C19orf47: variants seen among roughly 807,000 people sequenced by gnomAD.
The protein encoded by C19orf47 is chromosome 19 open reading frame 47.
Under a neutral mutation model 32.3 loss-of-function variants are expected in C19orf47, and 18 were observed. The ratio of observed to expected loss-of-function variants is 0.56; its 90% CI spans 0.39 to 0.83. C19orf47 has a LOEUF of 0.83. C19orf47 is among the 40% of genes least tolerant of loss of function. The pLI, the probability that C19orf47 is intolerant of heterozygous loss-of-function variation, is 0.00. For synonymous variants in C19orf47, 202 were observed against 211.1 expected (o/e 0.96, Z 0.37); for missense variants, 484 against 531.6 (o/e 0.91, Z 0.88).
chr19:40,342,066 A>G (rs913657712), intron 1 of C19orf47, 176 bp from the exon 2 acceptor site: 1 of 985,398 alleles, frequency 1.0e-6, no homozygotes. Flanking sequence ...TGCCACCACC[A>G]TCATCGCTTG....
At chr19:40,317,543 G>A (rs1182338992), downstream of C19orf47, among the ~76,000 whole-genome samples, 1 of 152,086 alleles carries the variant, frequency 6.6e-6, no homozygotes, top group African/African-American at 2.4e-5. Flanking sequence ...ATGTATAACG[G>A]GTGGGCCACT....
At chr19:40,342,069 A>G in intron 1 of C19orf47, 179 bp from the exon 2 acceptor site, 1 of 985,344 alleles carries the variant, frequency 1.0e-6, no homozygotes, top group Non-Finnish European at 1.2e-6. Flanking sequence ...CACCACCATC[A>G]TCGCTTGTGC....
intron 1 of C19orf47, among the ~76,000 whole-genome samples, chr19:40,346,155 CAAAA>C (rs111655238): frequency 4.7e-5 from 4 of 85,690 alleles, no homozygotes; most frequent in Non-Finnish European, 2.4e-5. Context: ...GACTCCATCT[CAAAA>C]AAAAAAAAAA....
At chr19:40,341,754 C>T in intron 2 of C19orf47, 85 bp downstream of exon 2, 1 of 1,521,668 alleles carries the variant, frequency 6.6e-7, no homozygotes, top group Non-Finnish European at 8.8e-7. Context: ...GTCCTCCCTC[C>T]CCCATCCCAT....
Position 40,324,137 on chromosome 19 carries a change from T to C in C19orf47, c.593-61A>G, listed in dbSNP as rs890357737. On this transcript the variant is annotated intron_variant, in intron 7 of 8. Transcript: ENST00000683109. ...GGTGGGCCAGGCCTAGGCTGAGCTC[T>C]GTACAGACACCAAGGCAGCCCAGAC... is the stretch of plus-strand genomic sequence containing the variant. 6 of 1,545,646 alleles carry C rather than the reference T, an allele frequency of 3.9e-6. No homozygotes were observed. The African/African-American group carries it at 8.2e-5, about 21-fold the overall frequency.
In C19orf47 at chr19:40,336,158, C is replaced by T; in HGVS notation, c.174G>A (p.Val58=). The T allele has an allele frequency of 6.2e-7, 1 of 1,614,194 alleles. No homozygotes were observed. The highest frequency in any genetic ancestry group is 8.5e-7 in the Non-Finnish European group (1 of 1,180,030). Residue 58 remains valine (V), a synonymous_variant, in exon 4 of 9, where the codon GTG becomes GTA. Transcript: ENST00000683109. ...EIMNELGVTV[V]GDIIAILKHA... is the part of the protein sequence containing the mutation. ...GCTTGAGAATGGCGATGATGTCACC[C>T]ACCACGGTCACGCCCAGCTCATTCA... is the stretch of plus-strand genomic sequence containing the variant.
the C19orf47 span, among the ~76,000 whole-genome samples, chr19:40,303,007 G>T: frequency 6.6e-6 from 1 of 152,130 alleles, no homozygotes; most frequent in African/African-American, 2.4e-5. Context: ...TTGGAAGGCC[G>T]GGGTGGGAAG....
At position 40,326,367 on chromosome 19, in the gene C19orf47, G is replaced by T. The variant is rs769861041; in HGVS notation, c.559C>A (p.Arg187Ser). ...GCCTGCTGCTGCTCCAGGATCTTGC[G>T]GGTGCGGGGTGTGGTGCCTTTGGGC... Reference protein sequence around the residue: ...NMPKGTTPRTRKILEQQQAAK... With the variant: ...NMPKGTTPRTSKILEQQQAAK... Residue 187 changes from arginine to serine, a missense_variant, in exon 7 of 9, where the codon CGC becomes AGC. Transcript: ENST00000683109. The T allele has an allele frequency of 6.2e-7, 1 of 1,614,058 alleles. No individual in the cohort carries two copies. The highest frequency in any genetic ancestry group is 8.5e-7 in the Non-Finnish European group (1 of 1,180,044).
In C19orf47 at chr19:40,334,042, A is replaced by G. The variant is rs2078009455; in HGVS notation, c.223-113T>C. 6 of 691,650 alleles carry G rather than the reference A, an allele frequency of 8.7e-6. No individual in the cohort carries two copies. In the East Asian group the frequency reaches 9.2e-5, roughly 11 times the overall value. 42.8% of individuals were successfully genotyped at this position (691,650 alleles called of 1,614,324 possible). Reference sequence around the variant, plus strand: ...TGACTGCTAGAGAAGATTCTAACACATTTCACTCCTAACCATAAGAAAGCA... The same window carrying G: ...TGACTGCTAGAGAAGATTCTAACACGTTTCACTCCTAACCATAAGAAAGCA... On this transcript the variant is annotated intron_variant, in intron 4 of 8. Transcript: ENST00000683109.
chr19:40,339,414 T>C (rs1440805181), intron 2 of C19orf47, among the ~76,000 whole-genome samples: 15 of 152,196 alleles, frequency 9.9e-5, no homozygotes, highest in Admixed American at 9.8e-4. Flanking sequence ...CGTACAAGAA[T>C]ATTCATAGCA....
chr19:40,326,531 G>A (rs779105252), intron 6 of C19orf47, 45 bp from the exon 7 acceptor site: 16 of 1,593,008 alleles, frequency 1.0e-5, no homozygotes, highest in South Asian at 3.3e-5. Flanking sequence ...GAGACAGAAC[G>A]TTCTCCCAGG....
At chr19:40,334,553 C>T (rs1208329385) in intron 4 of C19orf47, among the ~76,000 whole-genome samples, 1 of 151,970 alleles carries the variant, frequency 6.6e-6, no homozygotes, top group South Asian at 2.1e-4. Context: ...TTCAAGACCA[C>T]CCTGGGCAAC....
chr19:40,348,332 C>G lies in C19orf47; in HGVS notation c.-42G>C. ...CCCGGCCCGCGCCTCACCTGGCCCA[C>G]CGGGCCCGCGCCCACTCGCGCCGCC... is the stretch of plus-strand genomic sequence containing the variant. On this transcript the variant is annotated 5_prime_UTR_variant, in exon 1 of 9. Transcript: ENST00000683109. The G allele has an allele frequency of 7.4e-7, 1 of 1,359,532 alleles. No homozygotes were observed. Among genetic ancestry groups the G allele is most frequent in the South Asian group, 1.6e-5 (1 of 60,842 alleles). 84.2% of individuals were successfully genotyped at this position (1,359,532 alleles called of 1,614,324 possible). A position where few individuals can be genotyped will look rare whatever the true frequency, so the allele number is the denominator to read the frequency against.
chr19:40,297,476 G>A, the C19orf47 span, among the ~76,000 whole-genome samples: 1 of 152,184 alleles, frequency 6.6e-6, no homozygotes, highest in Non-Finnish European at 1.5e-5. Context: ...GCCGAGGTGA[G>A]TGGATCACAA....
rs140539184 is a variant in C19orf47 at position 40,322,079 on chromosome 19, C to T, written c.961G>A (p.Ala321Thr). The T allele has an allele frequency of 1.9e-5, 30 of 1,614,082 alleles. No homozygotes were observed. The highest frequency in any genetic ancestry group is 2.5e-5 in the Non-Finnish European group (29 of 1,180,046). The change falls in exon 9 of 9, where the codon GCA (alanine) becomes ACA (threonine). Residue 321 changes from alanine to threonine, a missense_variant. By Grantham distance (58) the Ala-to-Thr change is moderately conservative. Around this residue, in one of 3 missense-constraint regions of C19orf47, gnomAD observed 376 missense variants for 370.2 expected, o/e 1.02. Coordinates refer to ENST00000683109, the MANE Select transcript of C19orf47 (RefSeq NM_001256441.2). ...SKVSIIKRLG[A>T]AALVPEAQDS... ...TGGGCCTCGGGCACAAGGGCAGCTG[C>T]GCCCAGTCTCTTGATGATGCTGACT...
chr19:40,308,480 T>C, the C19orf47 span, among the ~76,000 whole-genome samples: 2 of 144,136 alleles, frequency 1.4e-5, no homozygotes, highest in Non-Finnish European at 3.0e-5. Context: ...TTTTTTTTTT[T>C]TGAGACAGAG....
At chr19:40,312,062 A>G in the C19orf47 span, among the ~76,000 whole-genome samples, 1 of 152,242 alleles carries the variant, frequency 6.6e-6, no homozygotes, top group Non-Finnish European at 1.5e-5. Context: ...TGTAAAACAT[A>G]ATGCATCCAA....
chr19:40,342,614 A>T (rs1426872308), intron 1 of C19orf47, among the ~76,000 whole-genome samples: 1 of 152,180 alleles, frequency 6.6e-6, no homozygotes, highest in East Asian at 1.9e-4. Context: ...GTACGTTAGG[A>T]AGCCTTTAGT....
chr19:40,306,823 C>T, the C19orf47 span, among the ~76,000 whole-genome samples: 1 of 138,042 alleles, frequency 7.2e-6, no homozygotes, highest in East Asian at 2.1e-4. Context: ...CAGAGTCTTG[C>T]TGTTGCCCAG....
Sources: gnomAD v4.1 joint callset for allele counts (sites outside exome capture counted in the v4.1 genomes callset) on GRCh38, gnomAD v4.1.1 for gene constraint, gnomAD v4.1.1 regional missense constraint, MANE v1.5 for transcripts, NCBI Gene and HGNC (gene_info 2026-07-23, HGNC 2026-07-21) for gene names.